Variants in AP3B1 observed in about 807,000 individuals in gnomAD.
The protein encoded by AP3B1 is AP-3 complex subunit beta-1.
A neutral mutation model predicts 132.5 loss-of-function variants in AP3B1; 61 were observed. That is an observed-to-expected ratio of 0.46 (90% CI 0.37 to 0.57). AP3B1 has a LOEUF of 0.57. Ranked by LOEUF, AP3B1 falls within the 20% of genes least tolerant of loss-of-function variation. The probability of loss-of-function intolerance (pLI) is 0.00; values close to 1 mark genes in which losing one functional copy is unlikely to be tolerated. For missense variants in AP3B1, 1,120 were observed against 1,289.4 expected, an observed-to-expected ratio of 0.87 and a Z score of 2.01; for synonymous variants, 388 against 438.3, an observed-to-expected ratio of 0.89 and a Z score of 1.43.
rs181988800 is a variant in AP3B1 at position 78,070,243 on chromosome 5, C to T, written c.2577+19150G>A. 2.6e-4 allele frequency among the ~76,000 whole-genome samples: 39 copies of T among 151,848 alleles called. No individual in the cohort carries two copies. The East Asian group carries it at 7.5e-3, about 29-fold the overall frequency. On this transcript the variant is annotated intron_variant, in intron 22 of 26. Transcript: ENST00000255194. The stretch of plus-strand genomic sequence containing the variant: ...CCAACATGGTGAAACCCCGTATCTA[C>T]TAAAAATACAAAAATTAGCCAGGTA...
At chr5:78,258,073 G>A (rs1747922878) in intron 2 of AP3B1, among the ~76,000 whole-genome samples, 1 of 152,090 alleles carries the variant, frequency 6.6e-6, no homozygotes, top group African/African-American at 2.4e-5. Flanking sequence ...CAAAACATTG[G>A]GGAAAATCTC....
intron 1 of AP3B1, among the ~76,000 whole-genome samples, chr5:78,275,421 G>C (rs1039871397): frequency 1.3e-5 from 2 of 152,130 alleles, no homozygotes; most frequent in Non-Finnish European, 2.9e-5. Context: ...CAGTTTCCAT[G>C]TGTAAAGCAA....
At chr5:78,255,852 A>G (rs1452134230) in intron 2 of AP3B1, among the ~76,000 whole-genome samples, 1 of 152,162 alleles carries the variant, frequency 6.6e-6, no homozygotes, top group Non-Finnish European at 1.5e-5. Context: ...TCACAAAACA[A>G]GTCTTAAAAG....
intron 24 of AP3B1, among the ~76,000 whole-genome samples, chr5:78,029,294 GAT>G (rs1252750491): frequency 3.9e-5 from 6 of 152,120 alleles, no homozygotes; most frequent in African/African-American, 1.4e-4. Context: ...TTTCTTGGAG[GAT>G]TACAATGAAC....
chr5:78,101,335 C>T (rs756192287), intron 20 of AP3B1: 3 of 455,490 alleles, frequency 6.6e-6, no homozygotes, highest in South Asian at 1.7e-5. Flanking sequence ...CGTAAAGTGG[C>T]TCTTTGGTAG....
At chr5:78,218,919 G>A (rs981687066) in intron 6 of AP3B1, among the ~76,000 whole-genome samples, 1 of 151,960 alleles carries the variant, frequency 6.6e-6, no homozygotes, top group African/African-American at 2.4e-5. Context: ...ATGGAAAATG[G>A]GAAAGATCAG....
At chr5:78,060,620 T>A (rs1189030252) in intron 22 of AP3B1, among the ~76,000 whole-genome samples, 1 of 152,174 alleles carries the variant, frequency 6.6e-6, no homozygotes, top group Admixed American at 6.5e-5. Flanking sequence ...ACTGAACTCT[T>A]GTGTTTACAT....
At chr5:78,078,865 T>A (rs892568383) in intron 22 of AP3B1, among the ~76,000 whole-genome samples, 1 of 152,260 alleles carries the variant, frequency 6.6e-6, no homozygotes, top group Non-Finnish European at 1.5e-5. Flanking sequence ...ATAAAGCCTT[T>A]CAGTCTGCAT....
rs538783997 is a variant in AP3B1, at chr5:78,186,391, G to A, written c.787-4729C>T. On this transcript the variant is annotated intron_variant, in intron 7 of 26. Coordinates refer to ENST00000255194, the MANE Select transcript of AP3B1 (RefSeq NM_003664.5). Reference sequence around the variant, plus strand: ...ACATTCTTGAAATAACAAAACTATGGAAACAGAAAGATTAGCAGTTGCCAG... The same window carrying A: ...ACATTCTTGAAATAACAAAACTATGAAAACAGAAAGATTAGCAGTTGCCAG... 6.6e-5 allele frequency among the ~76,000 whole-genome samples: 10 copies of A among 152,238 alleles called. No individual in the cohort carries two copies. The South Asian group carries it at 2.1e-3, about 32-fold the overall frequency.
chr5:78,280,239 G>C lies in AP3B1; in HGVS notation c.129-12644C>G, dbSNP rs956313117. On this transcript the variant is annotated intron_variant, in intron 1 of 26. Transcript: ENST00000255194. ...TTCATGAAAAGAAAACTGATCACTA[G>C]AATCATAGTAAACACTGATTCTAAT... 3.3e-4 allele frequency among the ~76,000 whole-genome samples: 50 copies of C among 152,000 alleles called. 1 individual carries two copies. The highest frequency in any genetic ancestry group is 1.1e-3 in the African/African-American group (46 of 41,440).
intron 1 of AP3B1, among the ~76,000 whole-genome samples, chr5:78,277,669 A>C (rs539722447): frequency 4.4e-4 from 67 of 152,310 alleles, no homozygotes; most frequent in African/African-American, 1.6e-3. Context: ...AGGGCCTCTA[A>C]AGGTAGGCTG....
chr5:78,206,140 T>C (rs1745496468), intron 7 of AP3B1, among the ~76,000 whole-genome samples: 1 of 152,180 alleles, frequency 6.6e-6, no homozygotes, highest in Non-Finnish European at 1.5e-5. Flanking sequence ...AAGTATTTCC[T>C]AATAAATGAG....
At chr5:78,208,470 T>C (rs989115457) in intron 7 of AP3B1, among the ~76,000 whole-genome samples, 4 of 152,172 alleles carry the variant, frequency 2.6e-5, no homozygotes, top group East Asian at 1.9e-4. Context: ...ACATGCATTC[T>C]GGGAAGGAAT....
chr5:78,123,606 A>G (rs1752326744), intron 17 of AP3B1, among the ~76,000 whole-genome samples: 1 of 152,344 alleles, frequency 6.6e-6, no homozygotes, highest in East Asian at 1.9e-4. Flanking sequence ...AATGCTCGTC[A>G]TCACTGACCA....
At chr5:78,185,503 A>T (rs541040394) in intron 7 of AP3B1, among the ~76,000 whole-genome samples, 94 of 152,338 alleles carry the variant, frequency 6.2e-4, no homozygotes, top group African/African-American at 2.2e-3. Context: ...ACATGAGGAC[A>T]TCAGTAGACT....
chr5:78,163,561 A>C (rs1186630994), intron 12 of AP3B1, among the ~76,000 whole-genome samples: 2 of 150,644 alleles, frequency 1.3e-5, no homozygotes, highest in South Asian at 2.1e-4. Context: ...TGCTTTAAAA[A>C]TATACTGTAA....
At chr5:78,038,003 T>G (rs937051417) in intron 23 of AP3B1, among the ~76,000 whole-genome samples, 8 of 152,054 alleles carry the variant, frequency 5.3e-5, no homozygotes, top group Admixed American at 2.6e-4. Context: ...ACTTAAAAAA[T>G]GCAAAGGGGA....
At chr5:78,121,067 AC>A (rs1752167258) in intron 17 of AP3B1, among the ~76,000 whole-genome samples, 1 of 152,244 alleles carries the variant, frequency 6.6e-6, no homozygotes, top group African/African-American at 2.4e-5. Flanking sequence ...CTGCATGGAA[AC>A]TGAACAACCT....
At chr5:78,247,648 A>G (rs1253616904) in intron 2 of AP3B1, among the ~76,000 whole-genome samples, 1 of 152,064 alleles carries the variant, frequency 6.6e-6, no homozygotes, top group East Asian at 1.9e-4. Flanking sequence ...TCTCTGATAT[A>G]AATAGATTCA....
Sources: gnomAD v4.1 joint callset for allele counts (sites outside exome capture counted in the v4.1 genomes callset) on GRCh38, gnomAD v4.1.1 for gene constraint, MANE v1.5 for transcripts, NCBI Gene and HGNC (gene_info 2026-07-23, HGNC 2026-07-21) for gene names.